CEP85L: variants seen among roughly 807,000 people sequenced by gnomAD.
CEP85L encodes the protein centrosomal protein of 85 kDa-like.
A neutral mutation model predicts 100.3 loss-of-function variants in CEP85L; 60 were observed. The ratio of observed to expected loss-of-function variants is 0.60; its 90% CI spans 0.49 to 0.74. The LOEUF is 0.74. Ranked by LOEUF, CEP85L falls within the 30% of genes least tolerant of loss-of-function variation. CEP85L has a pLI of 0.00. For missense variants in CEP85L, 973 were observed against 936.2 expected (o/e 1.04, Z -0.51); for synonymous variants, 319 against 322.7 (o/e 0.99, Z 0.12).
At chr6:118,674,746 A>G (rs1252095262) in intron 1 of CEP85L, among the ~76,000 whole-genome samples, 2 of 152,244 alleles carry the variant, frequency 1.3e-5, no homozygotes, top group Non-Finnish European at 2.9e-5. Context: ...AATGCAAATC[A>G]TAACCATAAT....
Position 118,605,969 on chromosome 6 carries a change from G to A in CEP85L, c.232+26484C>T, listed in dbSNP as rs189698719. Among the ~76,000 whole-genome samples the A allele has an allele frequency of 6.9e-4, 102 of 146,956 alleles. 2 individuals are homozygous for A. The highest frequency in any genetic ancestry group is 2.0e-3 in the African/African-American group (78 of 39,612). Reference sequence around the variant, plus strand: ...GCAGAGGTTGCGGTGAGCCAAGATCGCGCCACTGCACTCCAGCCTGGGCAA... The same window carrying A: ...GCAGAGGTTGCGGTGAGCCAAGATCACGCCACTGCACTCCAGCCTGGGCAA... On this transcript the variant is annotated intron_variant, in intron 2 of 12. Coordinates refer to ENST00000368491, the MANE Select transcript of CEP85L (RefSeq NM_001042475.3).
chr6:118,602,876 A>C (rs571478577), intron 2 of CEP85L, among the ~76,000 whole-genome samples: 1 of 151,554 alleles, frequency 6.6e-6, no homozygotes, highest in Non-Finnish European at 1.5e-5. Flanking sequence ...GCTGGAGTGC[A>C]ATGGCACAAT....
At chr6:118,556,128 T>C (rs534053435) in intron 3 of CEP85L, among the ~76,000 whole-genome samples, 8 of 152,356 alleles carry the variant, frequency 5.3e-5, no homozygotes, top group African/African-American at 9.6e-5. Context: ...TGTATGTCTT[T>C]ACGGCAGAAA....
At chr6:118,624,478 C>A (rs1479563473) in intron 2 of CEP85L, among the ~76,000 whole-genome samples, 2 of 152,122 alleles carry the variant, frequency 1.3e-5, no homozygotes, top group Non-Finnish European at 2.9e-5. Context: ...CTTCTTTTAA[C>A]TCTCCTAAGT....
chr6:118,522,264 G>A (rs2114779610), intron 4 of CEP85L, among the ~76,000 whole-genome samples: 1 of 152,272 alleles, frequency 6.6e-6, no homozygotes, highest in South Asian at 2.1e-4. Context: ...GGAGGCTGAG[G>A]CAGGAGAATC....
At chr6:118,652,768 T>C (rs985456507), upstream of CEP85L, 24 of 1,534,130 alleles carry the variant, frequency 1.6e-5, no homozygotes, top group Admixed American at 3.5e-4. Context: ...CTTCCAATTA[T>C]TTCTCCAAAT....
intron 2 of CEP85L, among the ~76,000 whole-genome samples, chr6:118,628,854 G>T (rs1032116516): frequency 4.6e-5 from 7 of 152,016 alleles, no homozygotes; most frequent in Admixed American, 3.3e-4. Flanking sequence ...TAGATAAAAC[G>T]GCACAATCCG....
At chr6:118,702,787 G>A (rs1777456935) in intron 1 of CEP85L, among the ~76,000 whole-genome samples, 1 of 152,094 alleles carries the variant, frequency 6.6e-6, no homozygotes, top group Admixed American at 6.6e-5. Context: ...ACGAAGTCAG[G>A]AGATTTAGAC....
intron 1 of CEP85L, among the ~76,000 whole-genome samples, chr6:118,700,031 C>T (rs996824868): frequency 3.3e-5 from 5 of 152,208 alleles, no homozygotes; most frequent in Non-Finnish European, 7.3e-5. Context: ...CCCACCTTAA[C>T]TTTGCCAGTT....
chr6:118,670,286 C>T (rs755998958), intron 1 of CEP85L, among the ~76,000 whole-genome samples: 1 of 148,898 alleles, frequency 6.7e-6, no homozygotes, highest in African/African-American at 2.5e-5. Context: ...TATAGATAAA[C>T]TGCATGTCAT....
At chr6:118,485,390 A>G (rs1562187855) in intron 6 of CEP85L, among the ~76,000 whole-genome samples, 1 of 118,400 alleles carries the variant, frequency 8.4e-6, no homozygotes, top group Non-Finnish European at 2.0e-5. Flanking sequence ...TTTCAGGTCT[A>G]ATGTATAACA....
chr6:118,689,173 C>G (rs62423967), intron 1 of CEP85L, among the ~76,000 whole-genome samples: 33,874 of 152,120 alleles, frequency 0.22, 4,831 homozygotes, highest in Non-Finnish European at 0.32. Context: ...TTTGTCTCAA[C>G]CTCTGCTTTC....
At chr6:118,553,907 GAA>G (rs1241843919) in intron 3 of CEP85L, among the ~76,000 whole-genome samples, 1 of 152,152 alleles carries the variant, frequency 6.6e-6, no homozygotes, top group Non-Finnish European at 1.5e-5. Context: ...ACCTGTGATA[GAA>G]AGAGACTTGA....
At chr6:118,702,764 AG>A (rs1272374500) in intron 1 of CEP85L, among the ~76,000 whole-genome samples, 1 of 152,192 alleles carries the variant, frequency 6.6e-6, no homozygotes, top group Non-Finnish European at 1.5e-5. Context: ...TGGGAGTCTG[AG>A]GCAGGCGGAT....
chr6:118,519,023 C>T (rs1426203299), intron 4 of CEP85L, among the ~76,000 whole-genome samples: 2 of 152,192 alleles, frequency 1.3e-5, no homozygotes, highest in African/African-American at 4.8e-5. Context: ...TGTTCAGTTT[C>T]CATGCAGTCG....
In CEP85L at chr6:118,461,017, T is replaced by C. The variant is rs1772203234; in HGVS notation, c.*4388A>G. ...GCATAAGCCAACCAGTGGCTTCACA[T>C]TCTTTTTTTTTTTTTTTAAACAATA... On this transcript the variant is annotated 3_prime_UTR_variant, in exon 13 of 13. Coordinates refer to ENST00000368491, the MANE Select transcript of CEP85L (RefSeq NM_001042475.3). 1 of 151,432 alleles carries C rather than the reference T, an allele frequency of 6.6e-6. No individual in the cohort carries two copies. The highest frequency in any genetic ancestry group is 6.6e-5 in the Admixed American group (1 of 15,188). 9.4% of individuals were successfully genotyped at this position (151,432 alleles called of 1,614,324 possible).
At chr6:118,544,295 T>G (rs1328819874) in intron 3 of CEP85L, among the ~76,000 whole-genome samples, 1 of 152,160 alleles carries the variant, frequency 6.6e-6, no homozygotes, top group Non-Finnish European at 1.5e-5. Context: ...TGTATGTGTT[T>G]CCCTTTGTTA....
At chr6:118,536,798 A>G (rs998537964) in intron 3 of CEP85L, among the ~76,000 whole-genome samples, 4 of 152,310 alleles carry the variant, frequency 2.6e-5, no homozygotes, top group Admixed American at 2.0e-4. Flanking sequence ...GAGAACAAAG[A>G]AGCCTTCTAT....
chr6:118,595,438 A>G (rs1290074732), intron 2 of CEP85L, among the ~76,000 whole-genome samples: 1 of 152,208 alleles, frequency 6.6e-6, no homozygotes, highest in African/African-American at 2.4e-5. Flanking sequence ...TAAGTCTAGA[A>G]TAATTTTCTG....
Sources: allele counts gnomAD v4.1 joint callset (sites outside exome capture counted in the v4.1 genomes callset), GRCh38; gene constraint gnomAD v4.1.1; transcripts MANE v1.5; gene names NCBI Gene and HGNC (gene_info 2026-07-23, HGNC 2026-07-21).